CFAP100: variants seen among roughly 807,000 people sequenced by gnomAD.
CFAP100 encodes the protein cilia and flagella associated protein 100, also known as cilia- and flagella-associated protein 100.
A neutral mutation model predicts 81.5 loss-of-function variants in CFAP100; 70 were observed. That is an observed-to-expected ratio of 0.86 (90% confidence interval 0.71 to 1.05). CFAP100 has a LOEUF of 1.05. Ranked by LOEUF, CFAP100 falls within the 50% of genes least tolerant of loss-of-function variation. The pLI is 0.00. For synonymous variants in CFAP100, 341 were observed against 314.8 expected (o/e 1.08, Z -0.88); for missense variants, 811 against 776.5 (o/e 1.04, Z -0.53).
intron 11 of CFAP100, among the ~76,000 whole-genome samples, chr3:126,420,470 T>C (rs770841353): frequency 9.9e-5 from 15 of 152,104 alleles, no homozygotes; most frequent in Non-Finnish European, 2.1e-4. Context: ...GGTGAGCAGG[T>C]GTAAGGCTGA....
chr3:126,413,870 C>A (rs2083193593), intron 3 of CFAP100, among the ~76,000 whole-genome samples: 1 of 152,224 alleles, frequency 6.6e-6, no homozygotes, highest in Non-Finnish European at 1.5e-5. Flanking sequence ...GGGCCAGGGA[C>A]AGAAGCCCAA....
intron 2 of CFAP100, among the ~76,000 whole-genome samples, chr3:126,399,393 CAG>C (rs1273266832): frequency 4.6e-5 from 7 of 152,080 alleles, no homozygotes; most frequent in Non-Finnish European, 7.4e-5. Flanking sequence ...AAGTTCTAGC[CAG>C]AGTCATTAGG....
chr3:126,433,800 C>A, intron 14 of CFAP100: 1 of 222,674 alleles, frequency 4.5e-6, no homozygotes, highest in Non-Finnish European at 9.0e-6. Context: ...CCTCTCTCCT[C>A]ATATAGCCCA....
In CFAP100 at chr3:126,401,692, A is replaced by C. The variant is rs1479044020; in HGVS notation, c.50-5480A>C. On this transcript the variant is annotated intron_variant, in intron 2 of 16. Coordinates refer to ENST00000352312, the MANE Select transcript of CFAP100 (RefSeq NM_182628.3). ...CTCGGGAGAGGGAGCAGCAGGTGGG[A>C]GGGGGAGGAGATGGAGGGAGGTGTG... is the stretch of plus-strand genomic sequence containing the variant. Among the ~76,000 whole-genome samples, 41 of 136,188 alleles carry C rather than the reference A, an allele frequency of 3.0e-4. 2 individuals carry two copies. Among genetic ancestry groups the C allele is most frequent in the Admixed American group, 3.0e-3 (41 of 13,742 alleles). 89.3% of individuals were successfully genotyped at this position (136,188 alleles called of 152,430 possible). A position where few individuals can be genotyped will look rare whatever the true frequency, so the allele number is the denominator to read the frequency against.
At chr3:126,418,420 G>A in intron 5 of CFAP100, 38 bp from the exon 6 acceptor site, 2 of 1,608,000 alleles carry the variant, frequency 1.2e-6, no homozygotes, top group Non-Finnish European at 8.5e-7. Flanking sequence ...CTCAGCCTGG[G>A]CTTCCCGCTC....
Position 126,435,599 on chromosome 3 carries a change from G to A in CFAP100, c.1669G>A (p.Glu557Lys), listed in dbSNP as rs1490765014. The A allele has an allele frequency of 3.7e-6, 6 of 1,612,582 alleles. No individual in the cohort carries two copies. The highest frequency in any genetic ancestry group is 1.3e-5 in the African/African-American group (1 of 74,882). The stretch of plus-strand genomic sequence containing the variant: ...GCTCCAGATGCAAAAGATCCTACAG[G>A]AGGAGCATCTGCAGCGGGCCCGGGC... ...EKLQMQKILQ[E>K]EHLQRARARA... Residue 557 changes from glutamate (E) to lysine (K), a missense_variant, in exon 16 of 17, where the codon GAG becomes AAG. Coordinates refer to ENST00000352312, the MANE Select transcript of CFAP100 (RefSeq NM_182628.3).
In CFAP100 at chr3:126,416,446, C is replaced by T; in HGVS notation, c.356C>T (p.Ala119Val). Residue 119 changes from alanine (A) to valine (V), a missense_variant, in exon 5 of 17, where the codon GCC (alanine) becomes GTC (valine). By Grantham distance (64) the Ala-to-Val change is moderately conservative. Coordinates refer to ENST00000352312, the MANE Select transcript of CFAP100 (RefSeq NM_182628.3). ...AAGCAGGAGGACCTGGAGGCGCGCG[C>T]CGAGGCCGAGCATCAGCGCGCCTTC... ...EDKQEDLEAR[A>V]EAEHQRAFRD... 6.2e-7 allele frequency: 1 copy of T among 1,610,604 alleles called. No homozygotes were observed. Among genetic ancestry groups the T allele is most frequent in the Non-Finnish European group, 8.5e-7 (1 of 1,178,946 alleles).
In CFAP100 at chr3:126,418,530, G is replaced by T. The variant is rs1270435722; in HGVS notation, c.486+5G>T. On this transcript the variant is annotated splice_donor_5th_base_variant and intron_variant, in intron 6 of 16. Coordinates refer to ENST00000352312, the MANE Select transcript of CFAP100 (RefSeq NM_182628.3). ...CGGCAAATGTTCCTCCTCCAGGTAG[G>T]TCCCGTGGCCCCCAGAGCGATGGAT... 10 of 1,614,094 alleles carry T rather than the reference G, an allele frequency of 6.2e-6. No individual in the cohort carries two copies. The highest frequency in any genetic ancestry group is 8.5e-6 in the Non-Finnish European group (10 of 1,180,010).
At chr3:126,404,458 A>G (rs1576618724) in intron 2 of CFAP100, among the ~76,000 whole-genome samples, 1 of 152,320 alleles carries the variant, frequency 6.6e-6, no homozygotes, top group East Asian at 1.9e-4. Flanking sequence ...GGCTGCCTGC[A>G]CATTACAAGG....
chr3:126,407,115 C>T (rs1302595187), intron 2 of CFAP100, 57 bp from the exon 3 acceptor site: 10 of 1,241,554 alleles, frequency 8.1e-6, no homozygotes, highest in South Asian at 5.0e-5. Context: ...GCTGTGTTCA[C>T]AGTTCTCATG....
intron 3 of CFAP100, 69 bp downstream of exon 3, chr3:126,407,321 T>G: frequency 1.0e-6 from 1 of 997,966 alleles, no homozygotes. Context: ...TGCCCCCAGA[T>G]CCCCTCAGAC....
At chr3:126,429,090 T>C (rs1933074692) in intron 13 of CFAP100, among the ~76,000 whole-genome samples, 1 of 125,662 alleles carries the variant, frequency 8.0e-6, no homozygotes, top group African/African-American at 3.2e-5. Context: ...GCCTGGGTGA[T>C]AGAGTGCGTC....
At chr3:126,424,795 A>T (rs1360330015) in intron 13 of CFAP100, among the ~76,000 whole-genome samples, 1 of 152,238 alleles carries the variant, frequency 6.6e-6, no homozygotes, top group Non-Finnish European at 1.5e-5. Context: ...ATGGAGGGTG[A>T]CAGCAGATGG....
At chr3:126,420,254 G>A (rs1047120775) in intron 11 of CFAP100, 25 bp downstream of exon 11, 3 of 1,610,706 alleles carry the variant, frequency 1.9e-6, no homozygotes, top group Non-Finnish European at 2.5e-6. Flanking sequence ...GTGGTTGGGA[G>A]GGGCTGAGGC....
At chr3:126,416,699 AAACCTAAG>A (rs1242286854) in intron 5 of CFAP100, 191 bp downstream of exon 5, 1 of 527,466 alleles carries the variant, frequency 1.9e-6, no homozygotes, top group African/African-American at 2.0e-5. Context: ...CCAGGATTGC[AAACCTAAG>A]AGCTTTTCAA....
chr3:126,402,705 G>A (rs2083003867), intron 2 of CFAP100, among the ~76,000 whole-genome samples: 1 of 152,034 alleles, frequency 6.6e-6, no homozygotes, highest in African/African-American at 2.4e-5. Flanking sequence ...AGGGGGAGGG[G>A]AGGGAAGGGA....
At chr3:126,434,588 C>G (rs920011528) in intron 15 of CFAP100, 2 of 566,580 alleles carry the variant, frequency 3.5e-6, no homozygotes, top group East Asian at 6.0e-5. Flanking sequence ...CTAGAGCAAA[C>G]GACAGTGACT....
At chr3:126,428,748 G>A (rs1324807152) in intron 13 of CFAP100, among the ~76,000 whole-genome samples, 1 of 152,090 alleles carries the variant, frequency 6.6e-6, no homozygotes, top group East Asian at 1.9e-4. Context: ...TGCTATCGAG[G>A]TGATACTGGC....
rs1186866707 is a variant in CFAP100 at position 126,414,327 on chromosome 3, A to G, written c.225+148A>G. 1.3e-6 allele frequency: 1 copy of G among 745,652 alleles called. No homozygotes were observed. Among genetic ancestry groups the G allele is most frequent in the South Asian group, 1.4e-5 (1 of 72,166 alleles). 46.2% of individuals were successfully genotyped at this position (745,652 alleles called of 1,614,324 possible). A position where few individuals can be genotyped will look rare whatever the true frequency, so the allele number is the denominator to read the frequency against. Reference sequence around the variant, plus strand: ...TCAATAGCTCACCACTTACTATAAAATCAGCTGGAAACCTTACCTGGCTCT... The same window carrying G: ...TCAATAGCTCACCACTTACTATAAAGTCAGCTGGAAACCTTACCTGGCTCT... On this transcript the variant is annotated intron_variant, in intron 4 of 16. Coordinates refer to ENST00000352312, the MANE Select transcript of CFAP100 (RefSeq NM_182628.3).
Sources: allele counts gnomAD v4.1 joint callset (sites outside exome capture counted in the v4.1 genomes callset), GRCh38; gene constraint gnomAD v4.1.1; transcripts MANE v1.5; gene names NCBI Gene and HGNC (gene_info 2026-07-23, HGNC 2026-07-21).